EFNA5: variants seen among roughly 807,000 people sequenced by gnomAD.
EFNA5 encodes the protein ephrin-A5.
A neutral mutation model predicts 22.9 loss-of-function variants in EFNA5; 5 were observed. The ratio of observed to expected loss-of-function variants is 0.22; its 90% CI spans 0.11 to 0.46. EFNA5 has a LOEUF of 0.46. Among genes scored for constraint, EFNA5 ranks in the 20% least tolerant of loss-of-function variants. The pLI is 0.99. For synonymous variants in EFNA5, 113 were observed against 112.2 expected (o/e 1.01, Z -0.04); for missense variants, 237 against 293.3 (o/e 0.81, Z 1.40).
chr5:107,478,014 G>T (rs1447004133), intron 1 of EFNA5, among the ~76,000 whole-genome samples: 2 of 152,062 alleles, frequency 1.3e-5, no homozygotes, highest in East Asian at 3.9e-4. Flanking sequence ...TACATGAGCA[G>T]GGTTTTTAAA....
At chr5:107,409,122 AC>A (rs1005454790) in intron 2 of EFNA5, among the ~76,000 whole-genome samples, 4 of 152,182 alleles carry the variant, frequency 2.6e-5, no homozygotes, top group Admixed American at 2.0e-4. Context: ...TGAAGGGAGT[AC>A]CAGATGCAAG....
At chr5:107,549,931 A>T (rs1748250246) in intron 1 of EFNA5, among the ~76,000 whole-genome samples, 1 of 152,224 alleles carries the variant, frequency 6.6e-6, no homozygotes, top group African/African-American at 2.4e-5. Context: ...ATTGGTTAGT[A>T]CCTATGGCTC....
chr5:107,605,185 G>A (rs1330171494), intron 1 of EFNA5, among the ~76,000 whole-genome samples: 1 of 152,058 alleles, frequency 6.6e-6, no homozygotes, highest in African/African-American at 2.4e-5. Context: ...AGAGGCAGCT[G>A]TTAGGATGTG....
At chr5:107,468,153 CA>C (rs1750042266) in intron 1 of EFNA5, among the ~76,000 whole-genome samples, 1 of 152,084 alleles carries the variant, frequency 6.6e-6, no homozygotes, top group South Asian at 2.1e-4. Flanking sequence ...TGAAGAAATG[CA>C]AAATCACAGT....
chr5:107,656,150 T>A (rs1429299980), intron 1 of EFNA5, among the ~76,000 whole-genome samples: 1 of 152,184 alleles, frequency 6.6e-6, no homozygotes, highest in Admixed American at 6.6e-5. Flanking sequence ...GATATCTCAT[T>A]ATAACTATGA....
intron 1 of EFNA5, among the ~76,000 whole-genome samples, chr5:107,440,875 T>C (rs895917299): frequency 1.2e-4 from 18 of 152,176 alleles, no homozygotes; most frequent in Non-Finnish European, 2.9e-5. Flanking sequence ...TACTCTAATA[T>C]AGCACGTCAA....
At chr5:107,640,717 G>A (rs1046897682) in intron 1 of EFNA5, among the ~76,000 whole-genome samples, 1 of 152,168 alleles carries the variant, frequency 6.6e-6, no homozygotes, top group Non-Finnish European at 1.5e-5. Context: ...GCAGGTGAGC[G>A]GACTGTCTTG....
chr5:107,411,670 G>T (rs1463196266), intron 2 of EFNA5, among the ~76,000 whole-genome samples: 1 of 152,170 alleles, frequency 6.6e-6, no homozygotes, highest in Non-Finnish European at 1.5e-5. Context: ...TTGACACAGG[G>T]TCTCACTTGG....
At chr5:107,576,264 C>T (rs1748925789) in intron 1 of EFNA5, among the ~76,000 whole-genome samples, 1 of 152,126 alleles carries the variant, frequency 6.6e-6, no homozygotes, top group African/African-American at 2.4e-5. Context: ...GAACTATCCC[C>T]AATCCAGTAA....
At chr5:107,383,228 G>C (rs1029636210) in intron 4 of EFNA5, among the ~76,000 whole-genome samples, 2 of 152,146 alleles carry the variant, frequency 1.3e-5, no homozygotes, top group Non-Finnish European at 2.9e-5. Context: ...GGACCTTAGC[G>C]AATCTGCATG....
chr5:107,400,693 G>C (rs560021059), intron 2 of EFNA5, among the ~76,000 whole-genome samples: 2 of 152,316 alleles, frequency 1.3e-5, no homozygotes, highest in South Asian at 4.1e-4. Context: ...ACAGAAAACT[G>C]AATTAGCCAG....
intron 1 of EFNA5, among the ~76,000 whole-genome samples, chr5:107,462,094 G>A (rs1749849606): frequency 6.6e-6 from 1 of 152,062 alleles, no homozygotes; most frequent in Non-Finnish European, 1.5e-5. Flanking sequence ...TAGAAATCCA[G>A]AAAATGCCAG....
Position 107,538,068 on chromosome 5 carries a change from T to A in EFNA5, c.126-110559A>T, listed in dbSNP as rs535584396. 2.6e-5 allele frequency among the ~76,000 whole-genome samples: 4 copies of A among 152,266 alleles called. No homozygotes were observed. The South Asian group carries it at 6.2e-4, about 24-fold the overall frequency. Reference sequence around the variant, plus strand: ...GAGTCTTAAAAGATTGATAAAGCCATTAAGCAGGAAGAGGGGAAGCAGAAG... The same window carrying A: ...GAGTCTTAAAAGATTGATAAAGCCAATAAGCAGGAAGAGGGGAAGCAGAAG... On this transcript the variant is annotated intron_variant, in intron 1 of 4. Transcript: ENST00000333274.
intron 1 of EFNA5, among the ~76,000 whole-genome samples, chr5:107,534,218 T>C (rs1238936046): frequency 1.3e-5 from 2 of 152,220 alleles, no homozygotes; most frequent in African/African-American, 2.4e-5. Context: ...CACTTCAAGA[T>C]CTTGACTTTC....
intron 1 of EFNA5, among the ~76,000 whole-genome samples, chr5:107,617,972 G>T (rs1749957930): frequency 6.6e-6 from 1 of 151,870 alleles, no homozygotes; most frequent in African/African-American, 2.4e-5. Flanking sequence ...AGACCATCCT[G>T]GACAAAATAG....
chr5:107,622,975 T>C (rs569149727), intron 1 of EFNA5, among the ~76,000 whole-genome samples: 265 of 132,490 alleles, frequency 2.0e-3, no homozygotes, highest in South Asian at 3.3e-3. Flanking sequence ...GAGCCGAGAT[T>C]GCGCCACTGC....
In EFNA5 at chr5:107,668,529, C is replaced by T. The variant is rs191981361; in HGVS notation, c.125+1960G>A. Reference sequence around the variant, plus strand: ...GTGTTGCTGGTTCTTTCCGTTTTAACCCAGGAAGACTGGAACACCCAAGTA... The same window carrying T: ...GTGTTGCTGGTTCTTTCCGTTTTAATCCAGGAAGACTGGAACACCCAAGTA... On this transcript the variant is annotated intron_variant, in intron 1 of 4. Coordinates refer to ENST00000333274, the MANE Select transcript of EFNA5 (RefSeq NM_001962.3). Among the ~76,000 whole-genome samples the T allele has an allele frequency of 2.0e-5, 3 of 152,176 alleles. No homozygotes were observed. In the East Asian group the frequency reaches 5.8e-4, roughly 29 times the overall value.
intron 2 of EFNA5, among the ~76,000 whole-genome samples, chr5:107,422,003 C>T (rs960406596): frequency 1.3e-5 from 2 of 152,110 alleles, no homozygotes; most frequent in Admixed American, 1.3e-4. Flanking sequence ...GTTGGTCAGG[C>T]TGGTCTTGAA....
At chr5:107,569,363 AC>A (rs1236290175) in intron 1 of EFNA5, among the ~76,000 whole-genome samples, 1 of 131,462 alleles carries the variant, frequency 7.6e-6, no homozygotes, top group Non-Finnish European at 1.5e-5. Context: ...AAATATATAT[AC>A]GTGTATATAT....
Sources: allele counts gnomAD v4.1 joint callset (sites outside exome capture counted in the v4.1 genomes callset), GRCh38; gene constraint gnomAD v4.1.1; transcripts MANE v1.5; gene names NCBI Gene and HGNC (gene_info 2026-07-23, HGNC 2026-07-21).